Variants in DTNA observed in about 807,000 individuals in gnomAD.
DTNA encodes dystrobrevin alpha.
In DTNA, 43 loss-of-function variants were observed where a neutral mutation model predicts 100.7. The ratio of observed to expected loss-of-function variants is 0.43; its 90% CI spans 0.33 to 0.55. The LOEUF is 0.55. DTNA is among the 20% of genes least tolerant of loss of function. The probability of loss-of-function intolerance (pLI) is 0.04; values close to 1 mark genes in which losing one functional copy is unlikely to be tolerated. For missense variants in DTNA, 798 were observed against 953.9 expected (o/e 0.84, Z 2.15); for synonymous variants, 349 against 347.9 (o/e 1.00, Z -0.04).
chr18:34,622,823 C>T (rs1362869181), intron 1 of DTNA, among the ~76,000 whole-genome samples: 1 of 152,294 alleles, frequency 6.6e-6, no homozygotes, highest in Admixed American at 6.5e-5. Flanking sequence ...TTTCTGAGGC[C>T]CTCGGATTGG....
intron 1 of DTNA, among the ~76,000 whole-genome samples, chr18:34,610,966 A>G (rs904981138): frequency 1.3e-5 from 2 of 152,218 alleles, no homozygotes; most frequent in Admixed American, 6.5e-5. Flanking sequence ...TAACCAGGAC[A>G]CAAATTATGC....
rs1464551248 is a variant in DTNA at position 34,877,659 on chromosome 18, C to T, written c.1904-60C>T. On this transcript the variant is annotated intron_variant, in intron 18 of 22. Transcript: ENST00000444659. ...ATTAATGGGAAGGATAAATAAACAACATAAAAATTTAGGATAGAAGGAAGC... is the reference window on the plus strand; with the variant it reads ...ATTAATGGGAAGGATAAATAAACAATATAAAAATTTAGGATAGAAGGAAGC... 2.7e-6 allele frequency: 4 copies of T among 1,466,688 alleles called. No homozygotes were observed. In the African/African-American group the frequency reaches 4.2e-5, roughly 15 times the overall value. The allele number at this position is 1,466,688 out of a possible 1,614,324, so 90.9% of individuals were successfully genotyped here.
intron 1 of DTNA, among the ~76,000 whole-genome samples, chr18:34,676,189 A>G (rs533638095): frequency 6.6e-6 from 1 of 152,298 alleles, no homozygotes; most frequent in Non-Finnish European, 1.5e-5. Flanking sequence ...TTAAATTGAT[A>G]TCATTGGTAT....
chr18:34,887,455 T>C (rs1463176154), intron 22 of DTNA, among the ~76,000 whole-genome samples: 1 of 152,194 alleles, frequency 6.6e-6, no homozygotes, highest in Non-Finnish European at 1.5e-5. Flanking sequence ...ACTGGTTTTA[T>C]CTCTTTGTCC....
chr18:34,886,964 T>C (rs779531945), intron 22 of DTNA, among the ~76,000 whole-genome samples: 3 of 152,246 alleles, frequency 2.0e-5, no homozygotes, highest in Non-Finnish European at 2.9e-5. Context: ...CTGGCTGTAC[T>C]GCAAGACCAG....
chr18:34,534,109 G>A (rs900127611), intron 1 of DTNA, among the ~76,000 whole-genome samples: 1 of 152,070 alleles, frequency 6.6e-6, no homozygotes, highest in Non-Finnish European at 1.5e-5. Flanking sequence ...CACTTTGGGA[G>A]TCCAAGGCGG....
chr18:34,529,013 T>C (rs1250952682), intron 1 of DTNA, among the ~76,000 whole-genome samples: 1 of 152,160 alleles, frequency 6.6e-6, no homozygotes, highest in Non-Finnish European at 1.5e-5. Context: ...TAGGTGGCTG[T>C]CCACTGGCAC....
At chr18:34,747,108 A>G (rs1221901676) in intron 1 of DTNA, among the ~76,000 whole-genome samples, 2 of 146,322 alleles carry the variant, frequency 1.4e-5, no homozygotes, top group Admixed American at 1.3e-4. Context: ...CTGTATCTAT[A>G]TATATATATA....
intron 1 of DTNA, among the ~76,000 whole-genome samples, chr18:34,600,868 A>T (rs2051663947): frequency 6.6e-6 from 1 of 152,218 alleles, no homozygotes; most frequent in Admixed American, 6.5e-5. Flanking sequence ...TAGCCACCAC[A>T]GATTAGCTGA....
rs1603372221 is a variant in DTNA at position 34,889,476 on chromosome 18, C to G, written c.*1742C>G. The G allele has an allele frequency of 4.1e-6, 4 of 985,280 alleles. No homozygotes were observed. The highest frequency in any genetic ancestry group is 1.1e-4 in the East Asian group (1 of 8,830). 61.0% of individuals were successfully genotyped at this position (985,280 alleles called of 1,614,324 possible). A position where few individuals can be genotyped will look rare whatever the true frequency, so the allele number is the denominator to read the frequency against. On this transcript the variant is annotated 3_prime_UTR_variant, in exon 23 of 23. Coordinates refer to ENST00000444659, the MANE Select transcript of DTNA (RefSeq NM_001386795.1). Reference sequence around the variant, plus strand: ...CTGAAAAGGCCTTATTCAGAATAAGCAAGAAAGGTTCTGTGATTCACTTTT... The same window carrying G: ...CTGAAAAGGCCTTATTCAGAATAAGGAAGAAAGGTTCTGTGATTCACTTTT...
chr18:34,727,107 C>T (rs1247290928), intron 1 of DTNA, among the ~76,000 whole-genome samples: 3 of 152,154 alleles, frequency 2.0e-5, no homozygotes, highest in Admixed American at 1.3e-4. Context: ...TACCTGAAGC[C>T]CTTTAAGCAA....
chr18:34,749,090 G>T (rs555131580), intron 1 of DTNA, among the ~76,000 whole-genome samples: 15 of 152,118 alleles, frequency 9.9e-5, no homozygotes, highest in African/African-American at 3.6e-4. Context: ...GTTGTAAGAG[G>T]GATTGAGTTC....
At chr18:34,692,627 T>G (rs1242064269) in intron 1 of DTNA, among the ~76,000 whole-genome samples, 1 of 152,216 alleles carries the variant, frequency 6.6e-6, no homozygotes, top group Non-Finnish European at 1.5e-5. Context: ...CATTGGCAAA[T>G]AAGTTTATGT....
At chr18:34,865,482 G>A (rs1398758863) in intron 17 of DTNA, among the ~76,000 whole-genome samples, 1 of 151,710 alleles carries the variant, frequency 6.6e-6, no homozygotes, top group African/African-American at 2.4e-5. Context: ...TTAACAATTG[G>A]TATTGGGAAT....
At chr18:34,808,233 G>A (rs775508336) in intron 5 of DTNA, among the ~76,000 whole-genome samples, 6 of 152,086 alleles carry the variant, frequency 3.9e-5, no homozygotes, top group African/African-American at 7.2e-5. Context: ...CTGAGCCCTC[G>A]AAGTCCTGGT....
chr18:34,684,628 A>G (rs1415303247), intron 1 of DTNA, among the ~76,000 whole-genome samples: 2 of 152,276 alleles, frequency 1.3e-5, no homozygotes, highest in Admixed American at 6.5e-5. Context: ...GTGTCTTTAT[A>G]GTAGAATGAC....
At chr18:34,830,063 CTT>C (rs1568682693) in intron 11 of DTNA, among the ~76,000 whole-genome samples, 1 of 152,124 alleles carries the variant, frequency 6.6e-6, no homozygotes, top group Non-Finnish European at 1.5e-5. Context: ...TGGTGAATCA[CTT>C]TTGTTTTCTT....
chr18:34,733,715 G>C (rs2088867073), intron 1 of DTNA, among the ~76,000 whole-genome samples: 1 of 152,158 alleles, frequency 6.6e-6, no homozygotes, highest in Admixed American at 6.5e-5. Flanking sequence ...TCCCAGCTGT[G>C]ATGAGTAGGT....
intron 1 of DTNA, among the ~76,000 whole-genome samples, chr18:34,582,243 C>T (rs557968928): frequency 1.3e-5 from 2 of 152,020 alleles, no homozygotes; most frequent in African/African-American, 4.8e-5. Context: ...TTGACTGCTA[C>T]CCCCTACATC....
Sources: gnomAD v4.1 joint callset for allele counts (sites outside exome capture counted in the v4.1 genomes callset) on GRCh38, gnomAD v4.1.1 for gene constraint, MANE v1.5 for transcripts, NCBI Gene and HGNC (gene_info 2026-07-23, HGNC 2026-07-21) for gene names.